Variants in SPATA16 observed in about 807,000 individuals in gnomAD.
The protein encoded by SPATA16 is spermatogenesis associated 16.
A neutral mutation model predicts 63.3 loss-of-function variants in SPATA16; 36 were observed. That is an observed-to-expected ratio of 0.57 (90% CI 0.44 to 0.75). The LOEUF is 0.75. Ranked by LOEUF, SPATA16 falls within the 30% of genes least tolerant of loss-of-function variation. SPATA16 has a pLI of 0.00. For synonymous variants in SPATA16, 203 were observed against 216.7 expected, an observed-to-expected ratio of 0.94 and a Z score of 0.56; for missense variants, 646 against 679.3, an observed-to-expected ratio of 0.95 and a Z score of 0.54.
intron 10 of SPATA16, among the ~76,000 whole-genome samples, chr3:172,892,567 C>T (rs527448426): frequency 5.9e-5 from 9 of 152,226 alleles, no homozygotes; most frequent in East Asian, 5.8e-4. Context: ...TACTTACTGA[C>T]GTGTAGGAGA....
chr3:173,061,568 C>G (rs1736379091), intron 2 of SPATA16, among the ~76,000 whole-genome samples: 1 of 152,192 alleles, frequency 6.6e-6, no homozygotes, highest in African/African-American at 2.4e-5. Flanking sequence ...TTTAAAATTT[C>G]TTTTCAGATA....
chr3:172,936,654 C>T (rs984904606), intron 6 of SPATA16, among the ~76,000 whole-genome samples: 15 of 152,032 alleles, frequency 9.9e-5, no homozygotes, highest in African/African-American at 3.4e-4. Flanking sequence ...TTTATAGTTG[C>T]TTGGTCAGAA....
At chr3:172,982,698 A>G (rs1734348995) in intron 4 of SPATA16, among the ~76,000 whole-genome samples, 1 of 152,198 alleles carries the variant, frequency 6.6e-6, no homozygotes, top group South Asian at 2.1e-4. Context: ...AATAGGTACC[A>G]GTTTTATTTT....
chr3:173,054,072 A>C (rs1018107063), intron 2 of SPATA16, among the ~76,000 whole-genome samples: 1 of 151,862 alleles, frequency 6.6e-6, no homozygotes, highest in Non-Finnish European at 1.5e-5. Flanking sequence ...GGAAAATAAA[A>C]GTATATTAAT....
intron 6 of SPATA16, among the ~76,000 whole-genome samples, chr3:172,932,616 T>A (rs908381521): frequency 6.6e-6 from 1 of 152,166 alleles, no homozygotes; most frequent in African/African-American, 2.4e-5. Context: ...ATCCACAAAT[T>A]CACATCAGCA....
chr3:172,936,252 A>T lies in SPATA16; in HGVS notation c.1082-10760T>A, dbSNP rs1577096104. On this transcript the variant is annotated intron_variant, in intron 6 of 10. Coordinates refer to ENST00000351008, the MANE Select transcript of SPATA16 (RefSeq NM_031955.6). ...AAAAACCAACCAACCTCCAGGGAGG[A>T]AATAGGGAGTAAAGACTGAGTTAAT... is the stretch of plus-strand genomic sequence containing the variant. Among the ~76,000 whole-genome samples the T allele has an allele frequency of 2.0e-5, 3 of 152,290 alleles. No individual in the cohort carries two copies. In the East Asian group the frequency reaches 5.8e-4, roughly 29 times the overall value.
At chr3:172,976,726 T>C (rs1485216373) in intron 5 of SPATA16, among the ~76,000 whole-genome samples, 2 of 152,080 alleles carry the variant, frequency 1.3e-5, no homozygotes, top group Non-Finnish European at 2.9e-5. Flanking sequence ...TCCTGGGATC[T>C]CTAAAATTTA....
intron 3 of SPATA16, among the ~76,000 whole-genome samples, chr3:173,033,383 G>A (rs1031397097): frequency 1.1e-4 from 17 of 152,092 alleles, no homozygotes; most frequent in African/African-American, 4.1e-4. Flanking sequence ...CAACAAAATA[G>A]TCTTTAAGTA....
chr3:172,923,471 A>G (rs1020246227), intron 8 of SPATA16, among the ~76,000 whole-genome samples: 5 of 152,208 alleles, frequency 3.3e-5, no homozygotes, highest in African/African-American at 1.2e-4. Flanking sequence ...CAAATCAATG[A>G]TGTAACACAA....
At chr3:172,898,476 T>C (rs1005626280) in intron 10 of SPATA16, among the ~76,000 whole-genome samples, 4 of 152,028 alleles carry the variant, frequency 2.6e-5, no homozygotes, top group Non-Finnish European at 4.4e-5. Flanking sequence ...GGTATATTTA[T>C]CAAAGTTGTC....
Position 172,925,348 on chromosome 3 carries a change from G to A in SPATA16, c.1226C>T (p.Thr409Ile). ...KISSRKLPIF[T>I]EHKTPFGLTR... Reference sequence around the variant, plus strand: ...CCTTGTAGGTTCAGATGATTTACCTGTGAATATCGGCAGCTTCCTGCTTGA... The same window carrying A: ...CCTTGTAGGTTCAGATGATTTACCTATGAATATCGGCAGCTTCCTGCTTGA... The change falls in exon 7 of 11, where the codon ACA becomes ATA. Residue 409 changes from threonine to isoleucine, a missense_variant and splice_region_variant. Coordinates refer to ENST00000351008, the MANE Select transcript of SPATA16 (RefSeq NM_031955.6). 1 of 1,613,868 alleles carries A rather than the reference G, an allele frequency of 6.2e-7. No homozygotes were observed. The highest frequency in any genetic ancestry group is 1.1e-5 in the South Asian group (1 of 91,078).
intron 1 of SPATA16, among the ~76,000 whole-genome samples, chr3:173,120,055 C>A (rs530400951): frequency 6.6e-6 from 1 of 151,304 alleles, no homozygotes; most frequent in African/African-American, 2.4e-5. Flanking sequence ...TCATTGCACT[C>A]CAGCCTAGGC....
At chr3:173,019,212 A>T (rs1577134381) in intron 4 of SPATA16, among the ~76,000 whole-genome samples, 1 of 152,184 alleles carries the variant, frequency 6.6e-6, no homozygotes, top group Non-Finnish European at 1.5e-5. Flanking sequence ...CAAGAGGTCA[A>T]GCGCATTTCT....
intron 5 of SPATA16, among the ~76,000 whole-genome samples, chr3:172,960,592 G>C (rs993378127): frequency 1.1e-4 from 16 of 152,112 alleles, no homozygotes; most frequent in African/African-American, 3.6e-4. Flanking sequence ...AGAACCCCTT[G>C]CTACCTTAGA....
At chr3:172,972,346 T>C (rs1354064233) in intron 5 of SPATA16, among the ~76,000 whole-genome samples, 1 of 152,196 alleles carries the variant, frequency 6.6e-6, no homozygotes, top group Non-Finnish European at 1.5e-5. Context: ...GTCTTTCTAC[T>C]GCTGTGAAAG....
chr3:173,112,728 A>G (rs1184828665), intron 2 of SPATA16, among the ~76,000 whole-genome samples: 1 of 152,202 alleles, frequency 6.6e-6, no homozygotes, highest in Non-Finnish European at 1.5e-5. Context: ...CCAAGATATT[A>G]AAAAAAGATT....
At chr3:172,992,649 G>C (rs1031273565) in intron 4 of SPATA16, among the ~76,000 whole-genome samples, 3 of 152,104 alleles carry the variant, frequency 2.0e-5, no homozygotes, top group Non-Finnish European at 4.4e-5. Context: ...CTTGATCCTG[G>C]GTAGAAGGGA....
Position 173,008,183 on chromosome 3 carries a change from C to T in SPATA16, c.848+11303G>A, listed in dbSNP as rs369445447. On this transcript the variant is annotated intron_variant, in intron 4 of 10. Coordinates refer to ENST00000351008, the MANE Select transcript of SPATA16 (RefSeq NM_031955.6). ...AGGTTGCAGATCCGATACTGTGGCC[C>T]TCAGCCTTCCATGGGCTCTTAGTTA... Among the ~76,000 whole-genome samples, 540 of 152,294 alleles carry T rather than the reference C, an allele frequency of 3.5e-3. 4 individuals carry two copies. The highest frequency in any genetic ancestry group is 0.013 in the African/African-American group (523 of 41,558).
intron 6 of SPATA16, among the ~76,000 whole-genome samples, chr3:172,952,839 C>CT (rs1733472796): frequency 6.7e-6 from 1 of 148,428 alleles, no homozygotes; most frequent in African/African-American, 2.5e-5. Flanking sequence ...ACTTGGGAGG[C>CT]TGAGGCAGGA....
Sources: gnomAD v4.1 joint callset for allele counts (sites outside exome capture counted in the v4.1 genomes callset) on GRCh38, gnomAD v4.1.1 for gene constraint, MANE v1.5 for transcripts, NCBI Gene and HGNC (gene_info 2026-07-23, HGNC 2026-07-21) for gene names.